CDH13: variants seen among roughly 807,000 people sequenced by gnomAD.
CDH13 encodes the protein cadherin-13.
CDH13 carries 24 observed loss-of-function variants against 63.8 expected under a neutral mutation model. The observed-to-expected ratio is 0.38, with a 90% CI of 0.27 to 0.53. The LOEUF (loss-of-function observed/expected upper bound fraction) is 0.53. CDH13 is among the 20% of genes least tolerant of loss of function. CDH13 has a pLI of 0.85. For synonymous variants in CDH13, 503 were observed against 355.3 expected (o/e 1.42, Z -4.67); for missense variants, 1,049 against 903.1 (o/e 1.16, Z -2.07).
intron 2 of CDH13, among the ~76,000 whole-genome samples, chr16:82,865,385 T>A (rs1199596876): frequency 6.6e-6 from 1 of 152,216 alleles, no homozygotes; most frequent in Non-Finnish European, 1.5e-5. Flanking sequence ...TGCGTGGACA[T>A]CCAGGTGTTT....
At chr16:83,444,210 A>G (rs1474160499) in intron 6 of CDH13, among the ~76,000 whole-genome samples, 1 of 152,084 alleles carries the variant, frequency 6.6e-6, no homozygotes, top group Non-Finnish European at 1.5e-5. Context: ...TGATGATGAT[A>G]ATGATGACCA....
intron 2 of CDH13, among the ~76,000 whole-genome samples, chr16:82,917,403 C>A (rs909532179): frequency 6.6e-6 from 1 of 151,920 alleles, no homozygotes; most frequent in Admixed American, 6.6e-5. Context: ...ATAGACAGGG[C>A]AGAAATGAAA....
intron 2 of CDH13, among the ~76,000 whole-genome samples, chr16:82,936,702 A>G (rs1043318464): frequency 1.3e-5 from 2 of 152,178 alleles, no homozygotes; most frequent in African/African-American, 4.8e-5. Flanking sequence ...TGTCCTACCT[A>G]CGGATGCCAA....
At chr16:83,314,105 C>G (rs1184215921) in intron 5 of CDH13, among the ~76,000 whole-genome samples, 1 of 152,172 alleles carries the variant, frequency 6.6e-6, no homozygotes, top group South Asian at 2.1e-4. Flanking sequence ...TAGCATTGCT[C>G]TAATCAAAAA....
At chr16:83,002,710 A>T (rs1913068174) in intron 2 of CDH13, among the ~76,000 whole-genome samples, 1 of 152,276 alleles carries the variant, frequency 6.6e-6, no homozygotes, top group South Asian at 2.1e-4. Flanking sequence ...ATCAGGAAAG[A>T]TGCTACTGAG....
At chr16:82,791,308 G>A (rs2036293170) in intron 1 of CDH13, among the ~76,000 whole-genome samples, 1 of 151,920 alleles carries the variant, frequency 6.6e-6, no homozygotes, top group African/African-American at 2.4e-5. Context: ...TTAAACACGG[G>A]GCTTGTAACT....
At chr16:83,739,272 G>C (rs747229087) in intron 10 of CDH13, among the ~76,000 whole-genome samples, 1 of 152,024 alleles carries the variant, frequency 6.6e-6, no homozygotes, top group Non-Finnish European at 1.5e-5. Context: ...AAAAAACCCT[G>C]AATGTTGAGT....
intron 13 of CDH13, among the ~76,000 whole-genome samples, chr16:83,792,691 C>T (rs1455709256): frequency 1.3e-5 from 2 of 152,234 alleles, no homozygotes; most frequent in Non-Finnish European, 2.9e-5. Context: ...CCCCACTCTG[C>T]TCTCTAACCA....
chr16:83,038,563 G>A (rs146395286), intron 3 of CDH13, among the ~76,000 whole-genome samples: 2 of 152,156 alleles, frequency 1.3e-5, no homozygotes, highest in Non-Finnish European at 2.9e-5. Flanking sequence ...GTTATGTCTG[G>A]ACAGAATCAT....
intron 4 of CDH13, chr16:83,181,131 T>C: frequency 1.1e-6 from 1 of 932,846 alleles, no homozygotes; most frequent in Non-Finnish European, 1.5e-6. Context: ...GATAGAAATG[T>C]GTAGACAGAG....
intron 3 of CDH13, among the ~76,000 whole-genome samples, chr16:83,071,407 A>G (rs1035581473): frequency 6.6e-5 from 10 of 152,202 alleles, no homozygotes; most frequent in Admixed American, 4.6e-4. Context: ...TTAAGAGCCC[A>G]GTTGTAAACC....
rs768595298 is a variant in CDH13 at position 83,069,614 on chromosome 16, T to C, written c.366+37396T>C. Among the ~76,000 whole-genome samples the C allele has an allele frequency of 3.9e-5, 6 of 152,170 alleles. 1 individual carries two copies. The South Asian group carries it at 1.2e-3, about 32-fold the overall frequency. ...CAGGAAATGTGTTACTAGAATCTTA[T>C]CTACTATGCCATGCTGCCTCTCAGA... On this transcript the variant is annotated intron_variant, in intron 3 of 13. Transcript: ENST00000567109.
intron 7 of CDH13, among the ~76,000 whole-genome samples, chr16:83,499,081 A>G (rs934197666): frequency 5.3e-5 from 8 of 152,242 alleles, no homozygotes; most frequent in African/African-American, 1.7e-4. Context: ...AGATCCAGCA[A>G]CAAGGGTTTT....
At chr16:83,694,935 G>A (rs567634875) in intron 10 of CDH13, among the ~76,000 whole-genome samples, 28 of 152,262 alleles carry the variant, frequency 1.8e-4, no homozygotes, top group African/African-American at 6.5e-4. Flanking sequence ...AGCCAGGCAC[G>A]GTGGTTCACG....
intron 5 of CDH13, among the ~76,000 whole-genome samples, chr16:83,219,650 C>A (rs1597540927): frequency 6.6e-6 from 1 of 152,220 alleles, no homozygotes; most frequent in African/African-American, 2.4e-5. Flanking sequence ...ATAGCCCAAT[C>A]TCTCATGTCC....
intron 7 of CDH13, among the ~76,000 whole-genome samples, chr16:83,528,633 GTTTCCATCTATCTCTAAATTTCCCAACTA>G (rs1180003813): frequency 6.6e-6 from 1 of 152,100 alleles, no homozygotes; most frequent in Admixed American, 6.5e-5. Flanking sequence ...TTCTCCAACT[GTTTCCATCTATCTCTAAATTTCCCAACTA>G]TCTCCATCTA....
At chr16:83,785,076 C>T (rs1321051386) in intron 13 of CDH13, among the ~76,000 whole-genome samples, 1 of 152,174 alleles carries the variant, frequency 6.6e-6, no homozygotes, top group Non-Finnish European at 1.5e-5. Context: ...AATTAGGAAA[C>T]CTTGTCAAAG....
intron 3 of CDH13, among the ~76,000 whole-genome samples, chr16:83,081,284 A>G (rs1291522682): frequency 1.3e-5 from 2 of 152,160 alleles, no homozygotes; most frequent in Admixed American, 6.5e-5. Flanking sequence ...AGAAGACCCA[A>G]GAGATATACT....
intron 2 of CDH13, among the ~76,000 whole-genome samples, chr16:82,996,979 T>G (rs988269888): frequency 1.6e-4 from 25 of 151,724 alleles, no homozygotes; most frequent in African/African-American, 2.2e-4. Flanking sequence ...GTAATGATGA[T>G]GGTGATGGTG....
Sources: allele counts gnomAD v4.1 joint callset (sites outside exome capture counted in the v4.1 genomes callset), GRCh38; gene constraint gnomAD v4.1.1; transcripts MANE v1.5; gene names NCBI Gene and HGNC (gene_info 2026-07-23, HGNC 2026-07-21).